Variants in AWAT2 observed in about 807,000 individuals in gnomAD.
AWAT2 encodes acyl-CoA wax alcohol acyltransferase 2, also known as 11-cis-RE-synthase.
In AWAT2, 9 loss-of-function variants were observed where a neutral mutation model predicts 22.3. The ratio of observed to expected loss-of-function variants is 0.40; its 90% CI spans 0.24 to 0.70. The LOEUF (loss-of-function observed/expected upper bound fraction) is 0.70. AWAT2 is among the 30% of genes least tolerant of loss of function. The pLI is 0.36. For missense variants in AWAT2, 217 were observed against 265.9 expected (o/e 0.82, Z 1.28); for synonymous variants, 100 against 93.4 (o/e 1.07, Z -0.40).
At chrX:70,047,103 T>C (rs1157384846) in intron 1 of AWAT2, among the ~76,000 whole-genome samples, 1 of 112,266 alleles carries the variant, frequency 8.9e-6, no homozygotes, top group African/African-American at 3.2e-5. Flanking sequence ...TTATGAATCA[T>C]ATTTTCTAGT....
intron 1 of AWAT2, among the ~76,000 whole-genome samples, chrX:70,049,235 T>C (rs1245101527): frequency 1.8e-5 from 2 of 112,013 alleles, no homozygotes; most frequent in African/African-American, 6.5e-5. Context: ...CTCCAGCCAG[T>C]ACTCACCTGA....
At chrX:70,049,365 G>A (rs1471413869) in intron 1 of AWAT2, among the ~76,000 whole-genome samples, 2 of 112,069 alleles carry the variant, frequency 1.8e-5, no homozygotes, top group Non-Finnish European at 3.8e-5. Context: ...TAGTGTAAGC[G>A]TTGGAAGACA....
rs185743373 is a variant in AWAT2 at position 70,048,406 on chromosome X, T to A, written c.85+1442A>T. Among the ~76,000 whole-genome samples, 20 of 111,665 alleles carry A rather than the reference T, an allele frequency of 1.8e-4. No homozygotes were observed. In the East Asian group the frequency reaches 5.6e-3, roughly 31 times the overall value. ...TCAATAAATATATATCGAGCACCAA[T>A]TCTGTGCTTCTCACCCTCCACCTCA... On this transcript the variant is annotated intron_variant, in intron 1 of 7. Transcript: ENST00000276101.
intron 1 of AWAT2, among the ~76,000 whole-genome samples, chrX:70,045,326 AT>A (rs1402326815): frequency 1.8e-5 from 2 of 112,309 alleles, no homozygotes; most frequent in Admixed American, 9.4e-5. Flanking sequence ...AAACATTTCC[AT>A]GTAGGAAAGC....
intron 1 of AWAT2, 47 bp downstream of exon 1, chrX:70,049,800 CA>C: frequency 8.4e-7 from 1 of 1,193,201 alleles, no homozygotes; most frequent in Non-Finnish European, 1.1e-6. Context: ...CCTTCAGTCT[CA>C]GGCAAGCCAG....
Sources: gnomAD v4.1 joint callset for allele counts (sites outside exome capture counted in the v4.1 genomes callset) on GRCh38, gnomAD v4.1.1 for gene constraint, MANE v1.5 for transcripts, NCBI Gene and HGNC (gene_info 2026-07-23, HGNC 2026-07-21) for gene names.